Variants in CCDC171 observed in about 807,000 individuals in gnomAD.
CCDC171 encodes coiled-coil domain-containing protein 171.
A neutral mutation model predicts 168.2 loss-of-function variants in CCDC171; 177 were observed. The observed-to-expected ratio is 1.05, with a 90% CI of 0.93 to 1.19. The LOEUF is 1.19. Ranked by LOEUF, CCDC171 falls within the 50% of genes most tolerant of loss-of-function variation. The probability of loss-of-function intolerance (pLI) is 0.00; values close to 1 mark genes in which losing one functional copy is unlikely to be tolerated. For missense variants in CCDC171, 1,991 were observed against 1,539.0 expected, an observed-to-expected ratio of 1.29 and a Z score of -4.91; for synonymous variants, 687 against 540.8, an observed-to-expected ratio of 1.27 and a Z score of -3.75.
intron 6 of CCDC171, among the ~76,000 whole-genome samples, chr9:15,621,778 G>A (rs1174015200): frequency 6.6e-6 from 1 of 151,966 alleles, no homozygotes; most frequent in Non-Finnish European, 1.5e-5. Flanking sequence ...CCCATTTCTG[G>A]GTATATACTC....
intron 6 of CCDC171, among the ~76,000 whole-genome samples, chr9:15,621,257 G>A (rs1358511582): frequency 6.6e-6 from 1 of 152,188 alleles, no homozygotes; most frequent in Non-Finnish European, 1.5e-5. Flanking sequence ...GTGAGCCACT[G>A]TGCCTGACCT....
chr9:15,839,898 A>C (rs2136356018), intron 21 of CCDC171, among the ~76,000 whole-genome samples: 1 of 152,154 alleles, frequency 6.6e-6, no homozygotes, highest in Middle Eastern at 3.4e-3. Flanking sequence ...TTAAGAAAAA[A>C]CTCAAAACTT....
intron 7 of CCDC171, among the ~76,000 whole-genome samples, chr9:15,649,052 A>G (rs1018878389): frequency 5.3e-5 from 8 of 152,184 alleles, no homozygotes; most frequent in African/African-American, 1.9e-4. Context: ...AAACAGAGAT[A>G]TAGACCAATG....
At chr9:15,953,716 T>C (rs1479694278) in intron 25 of CCDC171, among the ~76,000 whole-genome samples, 1 of 152,178 alleles carries the variant, frequency 6.6e-6, no homozygotes. Context: ...GTGTTCCCTT[T>C]TCAATTTTTT....
intron 18 of CCDC171, among the ~76,000 whole-genome samples, chr9:15,772,034 G>T (rs1369847902): frequency 1.3e-5 from 2 of 152,024 alleles, no homozygotes; most frequent in Non-Finnish European, 2.9e-5. Flanking sequence ...GGGTTTCTCT[G>T]TGTTGGCCAG....
chr9:15,744,248 A>G (rs776427023), intron 16 of CCDC171, 25 bp from the exon 17 acceptor site: 22 of 1,535,538 alleles, frequency 1.4e-5, no homozygotes, highest in Non-Finnish European at 7.9e-6. Flanking sequence ...TCATGATCAA[A>G]TATATTTTTT....
intron 11 of CCDC171, among the ~76,000 whole-genome samples, chr9:15,705,636 A>G (rs917572709): frequency 2.6e-5 from 4 of 151,926 alleles, no homozygotes; most frequent in Non-Finnish European, 5.9e-5. Flanking sequence ...TCCCACTCCT[A>G]TGTTATTTGG....
chr9:15,587,335 C>G (rs541607374), intron 4 of CCDC171, among the ~76,000 whole-genome samples: 2 of 152,232 alleles, frequency 1.3e-5, no homozygotes, highest in African/African-American at 4.8e-5. Context: ...CTTTCCCATG[C>G]TGTTCTTGTG....
chr9:15,887,527 A>G (rs1223017806), intron 24 of CCDC171, among the ~76,000 whole-genome samples: 1 of 152,134 alleles, frequency 6.6e-6, no homozygotes, highest in Non-Finnish European at 1.5e-5. Context: ...TATTTGTTTG[A>G]GTGAACAGCA....
At chr9:16,060,265 C>T (rs1302856477) in intron 1 of CCDC171, among the ~76,000 whole-genome samples, 5 of 152,032 alleles carry the variant, frequency 3.3e-5, no homozygotes, top group Non-Finnish European at 7.4e-5. Flanking sequence ...TTGTCAGTAC[C>T]GATGCTGAGA....
intron 16 of CCDC171, among the ~76,000 whole-genome samples, chr9:15,735,898 A>G (rs1199969809): frequency 1.3e-5 from 2 of 152,216 alleles, no homozygotes; most frequent in Admixed American, 6.5e-5. Context: ...TAATTGCTTT[A>G]GAAATTGTTT....
intron 9 of CCDC171, among the ~76,000 whole-genome samples, chr9:15,671,264 A>G (rs889734655): frequency 1.3e-5 from 2 of 152,114 alleles, no homozygotes; most frequent in African/African-American, 4.8e-5. Flanking sequence ...AGACGCTATC[A>G]TTTTAAATTT....
chr9:16,066,589 CT>C (rs1297336401), downstream of CCDC171, among the ~76,000 whole-genome samples: 1 of 147,598 alleles, frequency 6.8e-6, no homozygotes, highest in Non-Finnish European at 1.5e-5. Context: ...TTAGGTATAT[CT>C]CCCGATGCTA....
intron 11 of CCDC171, among the ~76,000 whole-genome samples, chr9:15,707,706 G>A: frequency 6.6e-6 from 1 of 152,040 alleles, no homozygotes; most frequent in Non-Finnish European, 1.5e-5. Flanking sequence ...TACTTTTTCT[G>A]GAGACGTGAA....
At position 15,646,876 on chromosome 9, in the gene CCDC171, G is replaced by A. The variant is rs574202230; in HGVS notation, c.823-10251G>A. Among the ~76,000 whole-genome samples the A allele has an allele frequency of 1.2e-3, 181 of 152,260 alleles. 2 individuals carry two copies. In the South Asian group the frequency reaches 0.013, roughly 11 times the overall value. ...AAGTTAACAAGGATATCCAGGAATT[G>A]AACTCAGCTCTGCACCAAGTGGACC... is the stretch of plus-strand genomic sequence containing the variant. On this transcript the variant is annotated intron_variant, in intron 7 of 25. Coordinates refer to ENST00000380701, the MANE Select transcript of CCDC171 (RefSeq NM_173550.4).
At position 15,809,917 on chromosome 9, in the gene CCDC171, T is replaced by G. The variant is rs555813568; in HGVS notation, c.3267+25223T>G. Among the ~76,000 whole-genome samples the G allele has an allele frequency of 5.9e-5, 9 of 152,282 alleles. No individual in the cohort carries two copies. The East Asian group carries it at 1.5e-3, about 26-fold the overall frequency. ...TTACAGAGAGATGATTGGTCCATTT[T>G]ACAGAGAGCTGTTTGGTCCGTTTTA... On this transcript the variant is annotated intron_variant, in intron 21 of 25. Transcript: ENST00000380701.
chr9:15,897,951 C>G (rs917521262), intron 24 of CCDC171, among the ~76,000 whole-genome samples: 4 of 152,110 alleles, frequency 2.6e-5, no homozygotes, highest in Admixed American at 6.6e-5. Flanking sequence ...TGACACTGGA[C>G]AAGGTACTTA....
intron 6 of CCDC171, among the ~76,000 whole-genome samples, chr9:16,034,202 G>C (rs1431216092): frequency 3.3e-5 from 5 of 152,188 alleles, no homozygotes; most frequent in Admixed American, 6.5e-5. Flanking sequence ...GGTTGCCGCA[G>C]AGCCCTCCTG....
chr9:15,772,023 G>T (rs767250576), intron 18 of CCDC171, among the ~76,000 whole-genome samples: 1 of 151,994 alleles, frequency 6.6e-6, no homozygotes, highest in African/African-American at 2.4e-5. Context: ...TAGTAGTGAC[G>T]GGGTTTCTCT....
Sources: allele counts gnomAD v4.1 joint callset (sites outside exome capture counted in the v4.1 genomes callset), GRCh38; gene constraint gnomAD v4.1.1; transcripts MANE v1.5; gene names NCBI Gene and HGNC (gene_info 2026-07-23, HGNC 2026-07-21).